GRM5: variants seen among roughly 807,000 people sequenced by gnomAD.
GRM5 encodes the protein metabotropic glutamate receptor 5.
In GRM5, 19 loss-of-function variants were observed where a neutral mutation model predicts 83.1. That is an observed-to-expected ratio of 0.23 (90% CI 0.16 to 0.34). The LOEUF is 0.34. GRM5 is among the 10% of genes least tolerant of loss of function. The pLI is 1.00. For missense variants in GRM5, 1,160 were observed against 1,588.3 expected (o/e 0.73, Z 4.58); for synonymous variants, 675 against 633.6 (o/e 1.07, Z -0.98).
chr11:88,867,898 T>C (rs1456879137), intron 2 of GRM5, among the ~76,000 whole-genome samples: 3 of 152,018 alleles, frequency 2.0e-5, no homozygotes, highest in South Asian at 4.2e-4. Flanking sequence ...TCAAGCTAAC[T>C]AATATAGTCC....
intron 4 of GRM5, among the ~76,000 whole-genome samples, chr11:88,632,243 T>A (rs1186941726): frequency 4.4e-5 from 6 of 137,124 alleles, no homozygotes; most frequent in East Asian, 2.2e-4. Context: ...TCACACAGTA[T>A]GTACTTTTTT....
chr11:88,533,185 A>G (rs1591328722), intron 8 of GRM5, among the ~76,000 whole-genome samples: 1 of 152,002 alleles, frequency 6.6e-6, no homozygotes, highest in African/African-American at 2.4e-5. Context: ...AAATCCCTAC[A>G]CTTACCTCCC....
intron 2 of GRM5, among the ~76,000 whole-genome samples, chr11:88,951,138 T>G (rs1256018944): frequency 6.6e-6 from 1 of 152,138 alleles, no homozygotes; most frequent in East Asian, 1.9e-4. Context: ...TTTAAAGCAA[T>G]GAACAGAGGT....
At chr11:88,888,889 T>A (rs1202078548) in intron 2 of GRM5, among the ~76,000 whole-genome samples, 1 of 152,138 alleles carries the variant, frequency 6.6e-6, no homozygotes, top group Non-Finnish European at 1.5e-5. Flanking sequence ...AAATGATCAG[T>A]AACAAACTTG....
At chr11:88,703,118 G>A (rs1941073131) in intron 3 of GRM5, among the ~76,000 whole-genome samples, 1 of 151,954 alleles carries the variant, frequency 6.6e-6, no homozygotes, top group Non-Finnish European at 1.5e-5. Context: ...CTAAAATGTT[G>A]TTGTATATAA....
At position 88,508,898 on chromosome 11, in the gene GRM5, G is replaced by C. The variant is rs754926660; in HGVS notation, c.3333C>G (p.Thr1111=). The stretch of plus-strand genomic sequence containing the variant: ...CCGGCAGAGGCTGGATTTCGGCAAA[G>C]GTCGTCATGGTCGTGGGCAACTGGA... ...KEIQLPTTMT[T]FAEIQPLPAI... is the part of the protein sequence containing the mutation. Residue 1111 remains threonine (T), a synonymous_variant, in exon 10 of 10, where the codon ACC becomes ACG. Transcript: ENST00000305447. The surrounding 1 kb of genome is among the most constrained non-coding windows in gnomAD (Gnocchi z 4.2). 8 of 1,597,644 alleles carry C rather than the reference G, an allele frequency of 5.0e-6. No individual in the cohort carries two copies. The highest frequency in any genetic ancestry group is 2.7e-5 in the African/African-American group (2 of 73,974).
At chr11:88,537,860 T>A (rs886861059) in intron 8 of GRM5, among the ~76,000 whole-genome samples, 2 of 151,992 alleles carry the variant, frequency 1.3e-5, no homozygotes, top group East Asian at 3.9e-4. Flanking sequence ...AATGGCAAAG[T>A]GAAGATAAGC....
rs1426398139 is a variant in GRM5, at chr11:88,596,581, T to C, written c.1563+603A>G. On this transcript the variant is annotated intron_variant, in intron 6 of 9. Transcript: ENST00000305447. The stretch of plus-strand genomic sequence containing the variant: ...CTTCAATTGACCACTTTTGTCCCTT[T>C]TCTTTTACTGTTCTTTCTATATGAA... Among the ~76,000 whole-genome samples, 6 of 152,284 alleles carry C rather than the reference T, an allele frequency of 3.9e-5. No homozygotes were observed. In the East Asian group the frequency reaches 1.2e-3, roughly 29 times the overall value.
Position 88,567,626 on chromosome 11 carries a change from C to A in GRM5, c.2057G>T (p.Arg686Ile). 3 of 1,614,168 alleles carry A rather than the reference C, an allele frequency of 1.9e-6. No homozygotes were observed. The highest frequency in any genetic ancestry group is 2.5e-6 in the Non-Finnish European group (3 of 1,180,006). The change falls in exon 8 of 10, where the codon AGA (arginine) becomes ATA (isoleucine). Residue 686 changes from arginine (R) to isoleucine (I), a missense_variant. By Grantham distance (97) the Arg-to-Ile change is moderately conservative. This residue lies in a region of GRM5 where 132 missense variants were observed against 245.5 expected (regional missense o/e 0.54). Coordinates refer to ENST00000305447, the MANE Select transcript of GRM5 (RefSeq NM_001143831.3). This position sits in a 1 kb window ranked among gnomAD's most constrained non-coding sequence, Gnocchi z 7.3. ...SKKKICTKKP[R>I]FMSACAQLVI... Reference sequence around the variant, plus strand: ...TAGCTGGGCACAGGCACTCATGAATCTGGGCTTTTTGGTACAGATCTTCTT... The same window carrying A: ...TAGCTGGGCACAGGCACTCATGAATATGGGCTTTTTGGTACAGATCTTCTT...
intron 4 of GRM5, among the ~76,000 whole-genome samples, chr11:88,610,341 T>C (rs1224481708): frequency 1.3e-5 from 2 of 152,214 alleles, no homozygotes; most frequent in African/African-American, 4.8e-5. Context: ...TGATTCTTCC[T>C]GACCATGGGC....
rs1473923003 is a variant in GRM5, at chr11:88,942,579, C to A, written c.662-92424G>T. ...AAAGGTTTTCCTAAAATTATATATT[C>A]ATAAATTAAACATAAGCCTCTCACA... On this transcript the variant is annotated intron_variant, in intron 2 of 9. Coordinates refer to ENST00000305447, the MANE Select transcript of GRM5 (RefSeq NM_001143831.3). Among the ~76,000 whole-genome samples, 5 of 151,964 alleles carry A rather than the reference C, an allele frequency of 3.3e-5. No homozygotes were observed. In the South Asian group the frequency reaches 1.0e-3, roughly 31 times the overall value.
intron 2 of GRM5, chr11:89,009,165 G>A: frequency 1.5e-6 from 1 of 675,954 alleles, no homozygotes; most frequent in Non-Finnish European, 2.7e-6. Context: ...TTAATTTTAA[G>A]TGTATAAATG....
At chr11:89,003,544 G>T (rs1940445788) in intron 2 of GRM5, among the ~76,000 whole-genome samples, 2 of 152,120 alleles carry the variant, frequency 1.3e-5, no homozygotes, top group Non-Finnish European at 2.9e-5. Flanking sequence ...ATGGCCTGGA[G>T]AACTCTAAGA....
intron 3 of GRM5, among the ~76,000 whole-genome samples, chr11:88,788,618 T>C (rs1943116109): frequency 6.6e-6 from 1 of 152,162 alleles, no homozygotes; most frequent in Non-Finnish European, 1.5e-5. Context: ...GTTGTAAGGA[T>C]ATATTACTAA....
At chr11:88,850,605 C>A (rs1944373443) in intron 2 of GRM5, among the ~76,000 whole-genome samples, 1 of 149,634 alleles carries the variant, frequency 6.7e-6, no homozygotes, top group Admixed American at 6.7e-5. Context: ...ATAGATGTTG[C>A]CATATAAATA....
chr11:88,625,976 T>G (rs552753238), intron 4 of GRM5, among the ~76,000 whole-genome samples: 1 of 152,264 alleles, frequency 6.6e-6, no homozygotes, highest in South Asian at 2.1e-4. Flanking sequence ...GGCAGTGAGC[T>G]CTAAGAAATG....
chr11:88,961,433 T>G (rs577375403), intron 2 of GRM5, among the ~76,000 whole-genome samples: 2 of 152,162 alleles, frequency 1.3e-5, no homozygotes, highest in South Asian at 4.2e-4. Context: ...GAATTGAGGC[T>G]GCCATTTGCA....
rs757047917 is a variant in GRM5 at position 88,509,291 on chromosome 11, C to G, written c.2940G>C (p.Ala980=). The G allele has an allele frequency of 6.7e-7, 1 of 1,492,466 alleles. No individual in the cohort carries two copies. Among genetic ancestry groups the G allele is most frequent in the Non-Finnish European group, 8.9e-7 (1 of 1,124,596 alleles). The allele number at this position is 1,492,466 out of a possible 1,614,324, so 92.5% of individuals were successfully genotyped here. A position where few individuals can be genotyped will look rare whatever the true frequency, so the allele number is the denominator to read the frequency against. The change falls in exon 10 of 10, where the codon GCG becomes GCC. Residue 980 remains alanine (A), a synonymous_variant. Transcript: ENST00000305447. ...SAGGVGATGG[A]GCAGAGPGGP... is the part of the protein sequence containing the mutation. Reference sequence around the variant, plus strand: ...CGCCTGGGCCGGCGCCTGCGCAGCCCGCACCGCCCGTGGCCCCCACGCCCC... The same window carrying G: ...CGCCTGGGCCGGCGCCTGCGCAGCCGGCACCGCCCGTGGCCCCCACGCCCC...
chr11:89,034,900 T>C (rs949035628), intron 2 of GRM5, among the ~76,000 whole-genome samples: 11 of 150,680 alleles, frequency 7.3e-5, no homozygotes, highest in Admixed American at 6.6e-5. Context: ...TTTGCTGTTA[T>C]CAATTTTATA....
Sources: allele counts gnomAD v4.1 joint callset (sites outside exome capture counted in the v4.1 genomes callset), GRCh38; gene constraint gnomAD v4.1.1; regional missense constraint gnomAD v4.1.1; non-coding constraint Gnocchi (gnomAD v3.1); transcripts MANE v1.5; gene names NCBI Gene and HGNC (gene_info 2026-07-23, HGNC 2026-07-21).